Variants in ROBO2 observed in about 807,000 individuals in gnomAD.
ROBO2 encodes roundabout guidance receptor 2, also known as roundabout homolog 2.
In ROBO2, 53 loss-of-function variants were observed where a neutral mutation model predicts 160.8. That is an observed-to-expected ratio of 0.33 (90% CI 0.26 to 0.41). ROBO2 has a LOEUF of 0.41. ROBO2 is among the 10% of genes least tolerant of loss of function. The pLI, the probability that ROBO2 is intolerant of heterozygous loss-of-function variation, is 1.00. For synonymous variants in ROBO2, 664 were observed against 611.7 expected, an observed-to-expected ratio of 1.09 and a Z score of -1.26; for missense variants, 1,577 against 1,722.4, an observed-to-expected ratio of 0.92 and a Z score of 1.49.
At chr3:76,188,654 G>A (rs1369653703) in intron 2 of ROBO2, among the ~76,000 whole-genome samples, 1 of 152,052 alleles carries the variant, frequency 6.6e-6, no homozygotes, top group Admixed American at 6.6e-5. Flanking sequence ...AAACCCCCAT[G>A]CTATCTAACC....
At chr3:76,731,918 T>A (rs6548445) in intron 2 of ROBO2, among the ~76,000 whole-genome samples, 152,283 of 152,342 alleles carry the variant, frequency 1, 76,112 homozygotes, top group East Asian at 1. Context: ...TTGTTTAACA[T>A]GTATTTATTG....
intron 2 of ROBO2, among the ~76,000 whole-genome samples, chr3:76,744,293 C>T (rs1396036181): frequency 6.6e-6 from 1 of 151,466 alleles, no homozygotes; most frequent in Non-Finnish European, 1.5e-5. Flanking sequence ...CTTCTTCTTC[C>T]CCTCCTCTTC....
intron 2 of ROBO2, among the ~76,000 whole-genome samples, chr3:76,214,549 G>A (rs1045582937): frequency 3.9e-5 from 6 of 152,172 alleles, no homozygotes; most frequent in Admixed American, 2.6e-4. Flanking sequence ...CTAAGCCCAT[G>A]GAGCCTCACT....
At chr3:77,455,893 G>A (rs1281690302) in intron 2 of ROBO2, among the ~76,000 whole-genome samples, 1 of 152,062 alleles carries the variant, frequency 6.6e-6, no homozygotes, top group Non-Finnish European at 1.5e-5. Context: ...AGGATTGATG[G>A]CAACTAAGGA....
intron 2 of ROBO2, among the ~76,000 whole-genome samples, chr3:77,299,663 C>T (rs1008821119): frequency 2.6e-5 from 4 of 152,072 alleles, no homozygotes; most frequent in South Asian, 2.1e-4. Flanking sequence ...TTCCATGATA[C>T]GTGGGGATTA....
chr3:76,674,576 T>C (rs1020073706), intron 2 of ROBO2, among the ~76,000 whole-genome samples: 1 of 146,140 alleles, frequency 6.8e-6, no homozygotes, highest in Non-Finnish European at 1.5e-5. Context: ...CTGTGTTTTC[T>C]AACCCTAGCC....
intron 5 of ROBO2, among the ~76,000 whole-genome samples, chr3:77,503,619 A>G (rs1212425499): frequency 1.3e-5 from 2 of 151,856 alleles, no homozygotes; most frequent in Non-Finnish European, 2.9e-5. Flanking sequence ...ATCAATAGGT[A>G]CTAAGAGTAT....
At chr3:76,234,497 C>T (rs1704815274) in intron 2 of ROBO2, among the ~76,000 whole-genome samples, 1 of 152,138 alleles carries the variant, frequency 6.6e-6, no homozygotes, top group Non-Finnish European at 1.5e-5. Flanking sequence ...CAGGTTTTCA[C>T]CAGCAGCGTA....
At chr3:76,723,282 A>G (rs936367806) in intron 2 of ROBO2, among the ~76,000 whole-genome samples, 1 of 152,216 alleles carries the variant, frequency 6.6e-6, no homozygotes, top group Non-Finnish European at 1.5e-5. Flanking sequence ...TGCCAAGTTC[A>G]TATATAAAGA....
intron 2 of ROBO2, among the ~76,000 whole-genome samples, chr3:76,737,931 G>T (rs2093740306): frequency 6.6e-6 from 1 of 152,102 alleles, no homozygotes; most frequent in African/African-American, 2.4e-5. Context: ...CAGATCACTT[G>T]GGTTCAAGAC....
chr3:77,044,065 A>T (rs2064369439), intron 1 of ROBO2, among the ~76,000 whole-genome samples: 1 of 152,148 alleles, frequency 6.6e-6, no homozygotes, highest in South Asian at 2.1e-4. Context: ...CTATGCAGTA[A>T]TACCATGTTT....
At chr3:77,567,915 C>T (rs923798812) in intron 12 of ROBO2, among the ~76,000 whole-genome samples, 70 of 152,012 alleles carry the variant, frequency 4.6e-4, no homozygotes, top group African/African-American at 1.6e-3. Context: ...CCAATTTACA[C>T]ATCCAGAAAA....
At chr3:76,176,040 T>C (rs2073218034) in intron 2 of ROBO2, among the ~76,000 whole-genome samples, 1 of 152,150 alleles carries the variant, frequency 6.6e-6, no homozygotes, top group Non-Finnish European at 1.5e-5. Flanking sequence ...TCATTATAAG[T>C]TGTCAAAAAT....
chr3:77,629,588 A>G (rs1245400909), intron 23 of ROBO2: 1 of 152,334 alleles, frequency 6.6e-6, no homozygotes, highest in East Asian at 1.9e-4. Context: ...CTTAATTTGA[A>G]TAAGATATTG....
At chr3:77,632,474 G>A (rs1395879182) in intron 23 of ROBO2, 5 of 1,529,150 alleles carry the variant, frequency 3.3e-6, no homozygotes, top group Admixed American at 4.0e-5. Context: ...TTGTTTTTAG[G>A]TTCAATGGTA....
chr3:76,196,916 A>G (rs989573971), intron 2 of ROBO2, among the ~76,000 whole-genome samples: 2 of 152,136 alleles, frequency 1.3e-5, no homozygotes, highest in Non-Finnish European at 2.9e-5. Flanking sequence ...TTTAAAATAG[A>G]CCCCATGATA....
chr3:77,208,146 A>C (rs1255179973), intron 2 of ROBO2, among the ~76,000 whole-genome samples: 1 of 152,210 alleles, frequency 6.6e-6, no homozygotes, highest in East Asian at 1.9e-4. Context: ...TAGTGTGAGC[A>C]GATTGATCAG....
intron 2 of ROBO2, among the ~76,000 whole-genome samples, chr3:76,432,220 T>C (rs1176510880): frequency 2.6e-5 from 4 of 152,200 alleles, no homozygotes; most frequent in African/African-American, 9.6e-5. Flanking sequence ...TATTCTGCTC[T>C]AGTGTTTTAT....
chr3:76,656,564 G>A (rs1435101732), intron 2 of ROBO2, among the ~76,000 whole-genome samples: 1 of 152,114 alleles, frequency 6.6e-6, no homozygotes, highest in Non-Finnish European at 1.5e-5. Flanking sequence ...GGAGAAAAAT[G>A]CTCAGAATCG....
Sources: gnomAD v4.1 joint callset for allele counts (sites outside exome capture counted in the v4.1 genomes callset) on GRCh38, gnomAD v4.1.1 for gene constraint, MANE v1.5 for transcripts, NCBI Gene and HGNC (gene_info 2026-07-23, HGNC 2026-07-21) for gene names.